DTD1: variants seen among roughly 807,000 people sequenced by gnomAD.
DTD1 encodes the protein D-aminoacyl-tRNA deacylase 1.
In DTD1, 13 loss-of-function variants were observed where a neutral mutation model predicts 25.6. The ratio of observed to expected loss-of-function variants is 0.51; its 90% CI spans 0.33 to 0.81. The LOEUF (loss-of-function observed/expected upper bound fraction) is 0.81. Among genes scored for constraint, DTD1 ranks in the 30% least tolerant of loss-of-function variants. The pLI is 0.02. For synonymous variants in DTD1, 110 were observed against 103.6 expected (o/e 1.06, Z -0.37); for missense variants, 193 against 266.4 (o/e 0.72, Z 1.92).
At chr20:18,747,695 G>A (rs1271853829) in intron 5 of DTD1, among the ~76,000 whole-genome samples, 1 of 152,070 alleles carries the variant, frequency 6.6e-6, no homozygotes, top group African/African-American at 2.4e-5. Flanking sequence ...TTCCTGCAGT[G>A]AATTGGGACC....
intron 4 of DTD1, among the ~76,000 whole-genome samples, chr20:18,726,709 A>G (rs902884143): frequency 9.2e-5 from 14 of 152,162 alleles, no homozygotes; most frequent in African/African-American, 3.1e-4. Flanking sequence ...TTTTGATACC[A>G]TTCCCAATAC....
At chr20:18,763,019 T>C (rs2061368889) in intron 5 of DTD1, among the ~76,000 whole-genome samples, 1 of 152,228 alleles carries the variant, frequency 6.6e-6, no homozygotes, top group Admixed American at 6.5e-5. Flanking sequence ...AATTATGATA[T>C]GTTGTGTTTT....
In DTD1 at chr20:18,710,450, A is replaced by G. The variant is rs1323062660; in HGVS notation, c.478-33650A>G. 2.0e-5 allele frequency among the ~76,000 whole-genome samples: 3 copies of G among 152,150 alleles called. No homozygotes were observed. The East Asian group carries it at 5.8e-4, about 29-fold the overall frequency. On this transcript the variant is annotated intron_variant, in intron 4 of 5. Coordinates refer to ENST00000377452, the MANE Select transcript of DTD1 (RefSeq NM_080820.6). ...TTTGTTAAGAATTCATATGTAAAAT[A>G]TGTCCCTTGTTTAAAATTATCTCAG...
rs1233892529 is a variant in DTD1 at position 18,749,055 on chromosome 20, G to A, written c.*19+4784G>A. Among the ~76,000 whole-genome samples the A allele has an allele frequency of 6.6e-6, 1 of 152,184 alleles. No homozygotes were observed. Among genetic ancestry groups the A allele is most frequent in the Admixed American group, 6.5e-5 (1 of 15,284 alleles). On this transcript the variant is annotated intron_variant, in intron 5 of 5. Transcript: ENST00000377452. This position sits in a 1 kb window ranked among gnomAD's most constrained non-coding sequence, Gnocchi z 4.2. ...GGGCAATGGAGGGAAGTTCCTGGCT[G>A]GCCTCAGCCTTCAGGTTAGGAGACT...
chr20:18,661,679 T>C (rs571973924), intron 4 of DTD1, among the ~76,000 whole-genome samples: 1 of 152,330 alleles, frequency 6.6e-6, no homozygotes, highest in East Asian at 1.9e-4. Flanking sequence ...CTGAGTCTTC[T>C]AGTCTTTAAA....
intron 4 of DTD1, among the ~76,000 whole-genome samples, chr20:18,735,299 GGCATTGTCCA>G (rs1161561389): frequency 2.0e-5 from 3 of 152,216 alleles, no homozygotes; most frequent in Non-Finnish European, 4.4e-5. Context: ...GGCCATACCT[GGCATTGTCCA>G]GCAAGAATGG....
At chr20:18,650,518 G>C (rs569932710) in intron 4 of DTD1, among the ~76,000 whole-genome samples, 3 of 152,278 alleles carry the variant, frequency 2.0e-5, no homozygotes, top group Admixed American at 2.0e-4. Flanking sequence ...CAGCTGCCCT[G>C]CACTGAACCC....
intron 3 of DTD1, among the ~76,000 whole-genome samples, chr20:18,621,657 G>T (rs2060734370): frequency 6.6e-6 from 1 of 152,010 alleles, no homozygotes; most frequent in Non-Finnish European, 1.5e-5. Flanking sequence ...TTTAAGAATG[G>T]TTATATTCTT....
At chr20:18,708,221 A>T (rs1366381515) in intron 4 of DTD1, among the ~76,000 whole-genome samples, 11 of 4,924 alleles carry the variant, frequency 2.2e-3, no homozygotes, top group African/African-American at 3.8e-3. Flanking sequence ...TATATATAAT[A>T]TATATATATT....
chr20:18,747,038 A>G (rs1401220962), intron 5 of DTD1, among the ~76,000 whole-genome samples: 1 of 152,208 alleles, frequency 6.6e-6, no homozygotes, highest in African/African-American at 2.4e-5. Context: ...AAACTTCATG[A>G]TAATTCACTT....
intron 3 of DTD1, among the ~76,000 whole-genome samples, chr20:18,606,366 G>A (rs1242372450): frequency 7.4e-6 from 1 of 135,414 alleles, no homozygotes; most frequent in African/African-American, 2.8e-5. Context: ...GGAAGTCAGT[G>A]TGGCGATTCC....
intron 3 of DTD1, chr20:18,620,248 T>A (rs2060728464): frequency 6.6e-6 from 1 of 152,246 alleles, no homozygotes; most frequent in African/African-American, 2.4e-5. Flanking sequence ...CTGGAGTGTG[T>A]TAAAGTTATG....
intron 4 of DTD1, among the ~76,000 whole-genome samples, chr20:18,727,640 A>G (rs954130666): frequency 7.2e-5 from 11 of 152,104 alleles, no homozygotes; most frequent in Admixed American, 5.9e-4. Context: ...AACCATCACC[A>G]TGAGAAGACC....
At chr20:18,760,674 CAG>C (rs943766363) in intron 5 of DTD1, among the ~76,000 whole-genome samples, 3 of 152,214 alleles carry the variant, frequency 2.0e-5, no homozygotes, top group Non-Finnish European at 2.9e-5. Context: ...TTAGGCTACT[CAG>C]GGGTCAGGGA....
intron 5 of DTD1, among the ~76,000 whole-genome samples, chr20:18,762,339 A>T (rs1322682097): frequency 6.6e-6 from 1 of 152,248 alleles, no homozygotes; most frequent in Non-Finnish European, 1.5e-5. Flanking sequence ...CTTTTGGATG[A>T]CAAATGCATG....
intron 4 of DTD1, among the ~76,000 whole-genome samples, chr20:18,704,746 A>T (rs1441554511): frequency 6.6e-6 from 1 of 151,942 alleles, no homozygotes; most frequent in Non-Finnish European, 1.5e-5. Context: ...CACAGGACAG[A>T]CCTCACCCCA....
chr20:18,715,802 A>G (rs911050849), intron 4 of DTD1, among the ~76,000 whole-genome samples: 1 of 152,154 alleles, frequency 6.6e-6, no homozygotes, highest in Non-Finnish European at 1.5e-5. Context: ...TGTCATTCAT[A>G]GGCTTCACAT....
At chr20:18,670,970 C>T (rs145016599) in intron 4 of DTD1, among the ~76,000 whole-genome samples, 1 of 152,328 alleles carries the variant, frequency 6.6e-6, no homozygotes, top group East Asian at 1.9e-4. Flanking sequence ...GGTGTGCTGG[C>T]CATTCTTGGG....
rs542724975 is a variant in DTD1 at position 18,673,434 on chromosome 20, G to A, written c.477+45201G>A. Among the ~76,000 whole-genome samples the A allele has an allele frequency of 2.6e-5, 4 of 152,198 alleles. No individual in the cohort carries two copies. In the East Asian group the frequency reaches 5.8e-4, roughly 22 times the overall value. ...GGGACTTAATTCTTCCCAGATTCCT[G>A]CTCTTATATAATGTAAAGGGAAAGG... On this transcript the variant is annotated intron_variant, in intron 4 of 5. Transcript: ENST00000377452.
Sources: gnomAD v4.1 joint callset for allele counts (sites outside exome capture counted in the v4.1 genomes callset) on GRCh38, gnomAD v4.1.1 for gene constraint, Gnocchi (gnomAD v3.1) non-coding constraint, MANE v1.5 for transcripts, NCBI Gene and HGNC (gene_info 2026-07-23, HGNC 2026-07-21) for gene names.